Variants in GPR89A observed in about 807,000 individuals in gnomAD.
GPR89A encodes the protein golgi pH regulator A.
GPR89A carries 16 observed loss-of-function variants against 52.0 expected under a neutral mutation model. The ratio of observed to expected loss-of-function variants is 0.31; its 90% CI spans 0.21 to 0.47. The LOEUF is 0.47. Ranked by LOEUF, GPR89A falls within the 20% of genes least tolerant of loss-of-function variation. GPR89A has a pLI of 1.00. For synonymous variants in GPR89A, 55 were observed against 150.9 expected, an observed-to-expected ratio of 0.36 and a Z score of 4.66; for missense variants, 135 against 449.4, an observed-to-expected ratio of 0.30 and a Z score of 6.33.
rs1248721016 is a variant in GPR89A at position 145,652,938 on chromosome 1, G to A, written c.909+5671G>A. On this transcript the variant is annotated intron_variant, in intron 10 of 13. Transcript: ENST00000313835. ...TTTCAAAAAACTGGCTCCTGGATTC[G>A]TTGATTTTTTTGAAGGGTTTTTCGT... Among the ~76,000 whole-genome samples the A allele has an allele frequency of 6.7e-5, 8 of 119,588 alleles. No homozygotes were observed. The East Asian group carries it at 7.4e-4, about 11-fold the overall frequency. 78.5% of individuals were successfully genotyped at this position (119,588 alleles called of 152,430 possible). A position where few individuals can be genotyped will look rare whatever the true frequency, so the allele number is the denominator to read the frequency against.
At chr1:145,639,101 T>C (rs1180386624) in intron 7 of GPR89A, among the ~76,000 whole-genome samples, 2 of 151,546 alleles carry the variant, frequency 1.3e-5, no homozygotes, top group Non-Finnish European at 2.9e-5. Flanking sequence ...TATATAGGAC[T>C]TGTTTGCTGA....
intron 12 of GPR89A, among the ~76,000 whole-genome samples, chr1:145,667,277 C>T (rs369810515): frequency 6.6e-6 from 1 of 152,094 alleles, no homozygotes; most frequent in Non-Finnish European, 1.5e-5. Flanking sequence ...TGATCACCAT[C>T]CTAACTGGTG....
intron 10 of GPR89A, among the ~76,000 whole-genome samples, chr1:145,659,503 G>C (rs1322579109): frequency 3.3e-5 from 5 of 151,082 alleles, no homozygotes; most frequent in Non-Finnish European, 5.9e-5. Context: ...ACCTTTTAAA[G>C]AACTACCAGA....
rs587765593 is a variant in GPR89A at position 145,646,789 on chromosome 1, G to C, written c.817-386G>C. ...AATTCTTTTTGAGGATAACTTTACAGGAGTAACCTTATAGGACAGAGGTTA... is the reference window on the plus strand; with the variant it reads ...AATTCTTTTTGAGGATAACTTTACACGAGTAACCTTATAGGACAGAGGTTA... On this transcript the variant is annotated intron_variant, in intron 9 of 13. Coordinates refer to ENST00000313835, the MANE Select transcript of GPR89A (RefSeq NM_001097612.2). 1.4e-3 allele frequency: 325 copies of C among 235,310 alleles called. 2 individuals are homozygous for C. The highest frequency in any genetic ancestry group is 2.2e-3 in the Non-Finnish European group (263 of 120,726). The allele number at this position is 235,310 out of a possible 1,614,324, so 14.6% of individuals were successfully genotyped here.
intron 3 of GPR89A, among the ~76,000 whole-genome samples, chr1:145,620,208 A>G (rs1372305133): frequency 1.3e-5 from 2 of 152,162 alleles, no homozygotes; most frequent in African/African-American, 4.8e-5. Flanking sequence ...GATAATAAAT[A>G]TTTTAGGTTT....
At chr1:145,611,160 T>TTGTGTGTG (rs373604657) in intron 1 of GPR89A, among the ~76,000 whole-genome samples, 1 of 149,580 alleles carries the variant, frequency 6.7e-6, no homozygotes, top group Non-Finnish European at 1.5e-5. Context: ...CTCCAGCTAC[T>TTGTGTGTG]TGTGTGTGTG....
At chr1:145,668,053 G>A (rs1456132202) in intron 12 of GPR89A, among the ~76,000 whole-genome samples, 6 of 152,052 alleles carry the variant, frequency 3.9e-5, no homozygotes, top group African/African-American at 9.7e-5. Context: ...TTGGCAATGC[G>A]GGCTCTTTTT....
chr1:145,608,213 C>T, intron 1 of GPR89A, 38 bp downstream of exon 1: 2 of 1,613,692 alleles, frequency 1.2e-6, no homozygotes, highest in Non-Finnish European at 1.7e-6. Flanking sequence ...CCGTCCGCCT[C>T]CCTTTACCGA....
chr1:145,623,028 G>C, intron 3 of GPR89A, 26 bp from the exon 4 acceptor site: 1 of 1,599,680 alleles, frequency 6.3e-7, no homozygotes, highest in Non-Finnish European at 8.5e-7. Context: ...CTTCCTCCCA[G>C]TGACAGTCTT....
At chr1:145,608,471 T>A (rs1379243639) in intron 1 of GPR89A, 1 of 632,086 alleles carries the variant, frequency 1.6e-6, no homozygotes, top group Non-Finnish European at 2.7e-6. Context: ...CGCCGCCAGC[T>A]AAGGCGGCGG....
chr1:145,621,059 G>T (rs1214472285), intron 3 of GPR89A, among the ~76,000 whole-genome samples: 1 of 152,080 alleles, frequency 6.6e-6, no homozygotes, highest in Non-Finnish European at 1.5e-5. Context: ...AGCTGTCAAT[G>T]TATCTAGTCT....
At chr1:145,659,575 C>A (rs1345448097) in intron 10 of GPR89A, among the ~76,000 whole-genome samples, 2 of 143,472 alleles carry the variant, frequency 1.4e-5, no homozygotes, top group Admixed American at 1.4e-4. Flanking sequence ...GCTCCAATTT[C>A]TCCACATCCC....
chr1:145,619,454 T>TA (rs1427536779), intron 3 of GPR89A, among the ~76,000 whole-genome samples: 2 of 150,514 alleles, frequency 1.3e-5, no homozygotes, highest in Non-Finnish European at 3.0e-5. Context: ...TACAAAAAAA[T>TA]AAAAAAAATT....
chr1:145,628,895 T>G (rs1649700724), intron 5 of GPR89A, among the ~76,000 whole-genome samples: 1 of 151,982 alleles, frequency 6.6e-6, no homozygotes, highest in Non-Finnish European at 1.5e-5. Flanking sequence ...AGACGTAAAC[T>G]CGAAGCCAAG....
intron 12 of GPR89A, among the ~76,000 whole-genome samples, chr1:145,667,036 C>G (rs1266406579): frequency 6.6e-6 from 1 of 152,112 alleles, no homozygotes; most frequent in Non-Finnish European, 1.5e-5. Context: ...ATTGCACATG[C>G]AATAAACATA....
chr1:145,621,713 AAAG>A (rs1399256851), intron 3 of GPR89A, among the ~76,000 whole-genome samples: 9 of 152,062 alleles, frequency 5.9e-5, no homozygotes, highest in Admixed American at 5.9e-4. Context: ...TAGAATATAT[AAAG>A]AATTCTTATA....
intron 10 of GPR89A, among the ~76,000 whole-genome samples, chr1:145,653,255 G>C (rs1397637622): frequency 1.3e-5 from 2 of 150,492 alleles, no homozygotes; most frequent in African/African-American, 4.9e-5. Flanking sequence ...TCAGGAGCAG[G>C]TTGTTCAATT....
intron 7 of GPR89A, among the ~76,000 whole-genome samples, chr1:145,639,612 T>C (rs1183624406): frequency 6.6e-6 from 1 of 151,428 alleles, no homozygotes; most frequent in Non-Finnish European, 1.5e-5. Context: ...CTGGACATGG[T>C]GGCATGCGCC....
At chr1:145,658,455 G>A (rs1220672914) in intron 10 of GPR89A, among the ~76,000 whole-genome samples, 2 of 149,154 alleles carry the variant, frequency 1.3e-5, no homozygotes, top group Non-Finnish European at 3.0e-5. Flanking sequence ...CTCCCTCCCC[G>A]ACACACACAC....
Sources: gnomAD v4.1 joint callset for allele counts (sites outside exome capture counted in the v4.1 genomes callset) on GRCh38, gnomAD v4.1.1 for gene constraint, MANE v1.5 for transcripts, NCBI Gene and HGNC (gene_info 2026-07-23, HGNC 2026-07-21) for gene names.